The following RASAL2 variants were observed in gnomAD, a reference collection of about 807,000 sequenced individuals.
The protein encoded by RASAL2 is ras GTPase-activating protein nGAP.
RASAL2 carries 58 observed loss-of-function variants against 128.9 expected under a neutral mutation model. That is an observed-to-expected ratio of 0.45 (90% CI 0.36 to 0.56). The LOEUF (loss-of-function observed/expected upper bound fraction) is 0.56. Among genes scored for constraint, RASAL2 ranks in the 20% least tolerant of loss-of-function variants. The pLI is 0.00. For missense variants in RASAL2, 1,360 were observed against 1,601.6 expected, an observed-to-expected ratio of 0.85 and a Z score of 2.57; for synonymous variants, 561 against 580.8, an observed-to-expected ratio of 0.97 and a Z score of 0.49.
At chr1:178,180,001 A>G (rs1028424484) in intron 1 of RASAL2, among the ~76,000 whole-genome samples, 3 of 152,224 alleles carry the variant, frequency 2.0e-5, no homozygotes, top group African/African-American at 7.2e-5. Flanking sequence ...AGCTAGTTCC[A>G]GAGGACATCT....
At chr1:178,164,481 TTGTGTGTGTGTGTGTGTGTGTGTGCG>T (rs1490099998) in intron 1 of RASAL2, among the ~76,000 whole-genome samples, 1 of 144,994 alleles carries the variant, frequency 6.9e-6, no homozygotes, top group Non-Finnish European at 1.5e-5. Context: ...TAATTAGCAT[TTGTGTGTGTGTGTGTGTGTGTGTGCG>T]TGTGTGTGTG....
At chr1:178,125,815 A>G (rs991308798) in intron 1 of RASAL2, among the ~76,000 whole-genome samples, 3 of 152,230 alleles carry the variant, frequency 2.0e-5, no homozygotes, top group African/African-American at 7.2e-5. Flanking sequence ...ATCTTGAAGA[A>G]TTAAAGAAGA....
chr1:178,416,783 T>C (rs933499187), intron 4 of RASAL2, among the ~76,000 whole-genome samples: 4 of 152,078 alleles, frequency 2.6e-5, no homozygotes, highest in African/African-American at 4.8e-5. Flanking sequence ...CTCAACACTT[T>C]AATATTTCAC....
intron 12 of RASAL2, among the ~76,000 whole-genome samples, chr1:178,455,918 T>G (rs1215033568): frequency 6.6e-6 from 1 of 152,240 alleles, no homozygotes; most frequent in Admixed American, 6.5e-5. Flanking sequence ...TAACTGCATC[T>G]CAGTGGAATG....
chr1:178,133,185 C>T (rs894298894), intron 1 of RASAL2, among the ~76,000 whole-genome samples: 3 of 152,218 alleles, frequency 2.0e-5, no homozygotes, highest in African/African-American at 7.2e-5. Context: ...TGTCATCCTT[C>T]TACTGCATCC....
intron 3 of RASAL2, among the ~76,000 whole-genome samples, chr1:178,322,656 A>G (rs1000957078): frequency 5.9e-5 from 9 of 152,096 alleles, no homozygotes; most frequent in Non-Finnish European, 1.0e-4. Flanking sequence ...AGCTACTCAT[A>G]TATCTTTTCC....
intron 3 of RASAL2, among the ~76,000 whole-genome samples, chr1:178,306,115 T>G (rs934236185): frequency 6.6e-6 from 1 of 152,254 alleles, no homozygotes; most frequent in Non-Finnish European, 1.5e-5. Context: ...TTTTCATTGT[T>G]CAATTCCCAC....
chr1:178,304,315 G>C (rs754561538), intron 3 of RASAL2, among the ~76,000 whole-genome samples: 10 of 152,154 alleles, frequency 6.6e-5, no homozygotes, highest in Admixed American at 1.3e-4. Context: ...CTTATGTCTA[G>C]GAGTATGAGA....
intron 1 of RASAL2, among the ~76,000 whole-genome samples, chr1:178,173,447 AGT>A (rs1170812265): frequency 6.6e-6 from 1 of 152,118 alleles, no homozygotes; most frequent in East Asian, 1.9e-4. Context: ...CTTGGTGGAA[AGT>A]GTGTATACCT....
intron 3 of RASAL2, among the ~76,000 whole-genome samples, chr1:178,343,868 G>T (rs993560381): frequency 1.1e-4 from 17 of 151,712 alleles, no homozygotes; most frequent in Admixed American, 2.0e-4. Context: ...GTTTTTATTG[G>T]TGTATAATAC....
chr1:178,238,861 T>C (rs1163377798), intron 1 of RASAL2, among the ~76,000 whole-genome samples: 1 of 152,018 alleles, frequency 6.6e-6, no homozygotes, highest in Non-Finnish European at 1.5e-5. Context: ...TCAGGCAAGT[T>C]TTTATTTGGT....
chr1:178,454,968 C>G (rs1182107203), intron 12 of RASAL2, among the ~76,000 whole-genome samples: 1 of 151,894 alleles, frequency 6.6e-6, no homozygotes, highest in African/African-American at 2.4e-5. Flanking sequence ...TTATGCATGT[C>G]TAATAGGATA....
At chr1:178,324,938 G>T (rs1167706382) in intron 3 of RASAL2, among the ~76,000 whole-genome samples, 1 of 152,160 alleles carries the variant, frequency 6.6e-6, no homozygotes, top group African/African-American at 2.4e-5. Flanking sequence ...GGTCTCTCTA[G>T]TAACAATGCT....
At chr1:178,470,615 AG>A (rs1648159775) in intron 17 of RASAL2, 1 of 1,173,876 alleles carries the variant, frequency 8.5e-7, no homozygotes, top group East Asian at 5.3e-5. Context: ...AGAACAGAGA[AG>A]GGCTTCCTCC....
intron 1 of RASAL2, among the ~76,000 whole-genome samples, chr1:178,236,110 A>C (rs1571676498): frequency 1.3e-5 from 2 of 152,132 alleles, no homozygotes; most frequent in East Asian, 3.8e-4. Context: ...TTGATTACCA[A>C]ACCTTCAGAT....
chr1:178,391,301 A>G (rs1418440641), intron 4 of RASAL2, among the ~76,000 whole-genome samples: 1 of 152,176 alleles, frequency 6.6e-6, no homozygotes, highest in African/African-American at 2.4e-5. Flanking sequence ...TATTTATTTC[A>G]CTATTTTTTT....
At chr1:178,415,330 T>C (rs902796837) in intron 4 of RASAL2, among the ~76,000 whole-genome samples, 1 of 152,150 alleles carries the variant, frequency 6.6e-6, no homozygotes, top group Admixed American at 6.5e-5. Context: ...TTGATCCATG[T>C]GTTGTTCAGA....
intron 3 of RASAL2, among the ~76,000 whole-genome samples, chr1:178,332,184 G>C (rs887395444): frequency 5.3e-5 from 8 of 152,028 alleles, no homozygotes; most frequent in African/African-American, 1.9e-4. Context: ...TCTAATTCAA[G>C]CCTAGATTTT....
At chr1:178,146,256 A>C (rs1050243059) in intron 1 of RASAL2, among the ~76,000 whole-genome samples, 4 of 152,248 alleles carry the variant, frequency 2.6e-5, no homozygotes, top group Non-Finnish European at 5.9e-5. Context: ...TTGATTTTTC[A>C]CAACAGAGAG....
Sources: gnomAD v4.1 joint callset for allele counts (sites outside exome capture counted in the v4.1 genomes callset) on GRCh38, gnomAD v4.1.1 for gene constraint, MANE v1.5 for transcripts, NCBI Gene and HGNC (gene_info 2026-07-23, HGNC 2026-07-21) for gene names.